Variants in FBXL2 observed in about 807,000 individuals in gnomAD.
FBXL2 encodes F-box/LRR-repeat protein 2.
FBXL2 carries 38 observed loss-of-function variants against 69.2 expected under a neutral mutation model. The ratio of observed to expected loss-of-function variants is 0.55; its 90% CI spans 0.42 to 0.72. FBXL2 has a LOEUF of 0.72. FBXL2 is among the 30% of genes least tolerant of loss of function. FBXL2 has a pLI of 0.00. For missense variants in FBXL2, 354 were observed against 520.3 expected (o/e 0.68, Z 3.11); for synonymous variants, 192 against 201.3 (o/e 0.95, Z 0.39).
chr3:33,325,802 A>G (rs1303554899), intron 2 of FBXL2, among the ~76,000 whole-genome samples: 1 of 152,220 alleles, frequency 6.6e-6, no homozygotes, highest in African/African-American at 2.4e-5. Flanking sequence ...AATATTTATC[A>G]TGAAACCTTT....
chr3:33,379,686 AAAAAAC>A (rs1463985245), intron 13 of FBXL2, among the ~76,000 whole-genome samples: 2 of 151,266 alleles, frequency 1.3e-5, no homozygotes, highest in South Asian at 2.1e-4. Context: ...TGTACCAAAA[AAAAAAC>A]AAAAACAAAA....
chr3:33,312,576 G>T (rs548301917), intron 2 of FBXL2, among the ~76,000 whole-genome samples: 12 of 152,140 alleles, frequency 7.9e-5, no homozygotes, highest in Admixed American at 2.0e-4. Context: ...CCCATCCGGA[G>T]ATTCTGGGAA....
intron 2 of FBXL2, among the ~76,000 whole-genome samples, chr3:33,339,052 C>A (rs1420123294): frequency 4.6e-5 from 7 of 151,956 alleles, no homozygotes; most frequent in Admixed American, 4.6e-4. Context: ...ATATCCAGAA[C>A]CTATAAGGAA....
intron 2 of FBXL2, among the ~76,000 whole-genome samples, chr3:33,324,565 T>G (rs550205677): frequency 6.6e-5 from 10 of 152,324 alleles, no homozygotes; most frequent in African/African-American, 2.4e-4. Flanking sequence ...AGGGAATCCT[T>G]TCCCCATTGC....
intron 2 of FBXL2, among the ~76,000 whole-genome samples, chr3:33,327,580 C>G (rs926907393): frequency 2.6e-5 from 4 of 151,738 alleles, no homozygotes; most frequent in African/African-American, 7.3e-5. Context: ...TAGCTCAAGA[C>G]TAAGAAAAAG....
At chr3:33,382,140 A>G (rs1294400163) in intron 13 of FBXL2, among the ~76,000 whole-genome samples, 1 of 152,200 alleles carries the variant, frequency 6.6e-6, no homozygotes, top group Non-Finnish European at 1.5e-5. Flanking sequence ...AGGACTTGTC[A>G]AGTCCAAACT....
intron 2 of FBXL2, among the ~76,000 whole-genome samples, chr3:33,332,848 C>A (rs984442176): frequency 6.6e-6 from 1 of 152,056 alleles, no homozygotes; most frequent in African/African-American, 2.4e-5. Context: ...TGTGGTTGAT[C>A]GTTGAGCAAA....
rs200022605 is a variant in FBXL2 at position 33,343,625 on chromosome 3, C to T, written c.66-15342C>T. Among the ~76,000 whole-genome samples the T allele has an allele frequency of 4.0e-5, 6 of 151,894 alleles. No individual in the cohort carries two copies. The East Asian group carries it at 1.2e-3, about 29-fold the overall frequency. ...TACTACAAACTCTTCAGCAGGACAC[C>T]TAGTCATGTGTAATAATAATTATAT... On this transcript the variant is annotated intron_variant, in intron 2 of 14. Transcript: ENST00000484457.
At chr3:33,353,750 C>G (rs2040996274) in intron 2 of FBXL2, among the ~76,000 whole-genome samples, 1 of 152,080 alleles carries the variant, frequency 6.6e-6, no homozygotes, top group Non-Finnish European at 1.5e-5. Flanking sequence ...ATTAGTTGGG[C>G]ATGGTGGTGT....
At chr3:33,409,430 C>T in the FBXL2 span, 1 of 1,613,898 alleles carries the variant, frequency 6.2e-7, no homozygotes. Flanking sequence ...TTACAGAAAA[C>T]CCGGGTTCTC....
At chr3:33,357,531 CT>C (rs11425930) in intron 2 of FBXL2, among the ~76,000 whole-genome samples, 9,731 of 129,176 alleles carry the variant, frequency 0.075, 207 homozygotes, top group Admixed American at 0.098. Context: ...TCCACTGAGT[CT>C]TTTTTTTTTT....
chr3:33,318,305 A>G lies in FBXL2; in HGVS notation c.65+20580A>G, dbSNP rs532983060. On this transcript the variant is annotated intron_variant, in intron 2 of 14. Coordinates refer to ENST00000484457, the MANE Select transcript of FBXL2 (RefSeq NM_012157.5). ...TTCAATCTTATTTTTACTATGTGGC[A>G]TTTAGAAATAGTTGACTTTTCTAAC... 3.3e-5 allele frequency among the ~76,000 whole-genome samples: 5 copies of G among 152,270 alleles called. No homozygotes were observed. The South Asian group carries it at 8.3e-4, about 25-fold the overall frequency.
chr3:33,402,918 CAG>C (rs772675288), intron 12 of FBXL2: 394 of 1,586,742 alleles, frequency 2.5e-4, no homozygotes, highest in Non-Finnish European at 3.3e-4. Flanking sequence ...AGGACAGAAA[CAG>C]AAATAAATTA....
chr3:33,356,263 A>G (rs1468799503), intron 2 of FBXL2, among the ~76,000 whole-genome samples: 3 of 152,318 alleles, frequency 2.0e-5, no homozygotes, highest in South Asian at 2.1e-4. Context: ...AAATTAATCT[A>G]GAGAGTTTAT....
chr3:33,373,710 A>G lies in FBXL2; in HGVS notation c.582+6A>G, dbSNP rs2042447982. 6.2e-7 allele frequency: 1 copy of G among 1,614,072 alleles called. No homozygotes were observed. Among genetic ancestry groups the G allele is most frequent in the Non-Finnish European group, 8.5e-7 (1 of 1,180,034 alleles). On this transcript the variant is annotated splice_donor_region_variant and intron_variant, in intron 8 of 14. Coordinates refer to ENST00000484457, the MANE Select transcript of FBXL2 (RefSeq NM_012157.5). Reference sequence around the variant, plus strand: ...TCCTGAGGGGCTGCACACAGGTACCAGAGGGTTGATACAGCTGTTTGTGTT... The same window carrying G: ...TCCTGAGGGGCTGCACACAGGTACCGGAGGGTTGATACAGCTGTTTGTGTT...
intron 5 of FBXL2, among the ~76,000 whole-genome samples, chr3:33,368,717 G>C (rs968099541): frequency 6.6e-6 from 1 of 151,878 alleles, no homozygotes; most frequent in Non-Finnish European, 1.5e-5. Flanking sequence ...CTTCCGAGTA[G>C]CTGGGACCAC....
At chr3:33,389,480 G>GT (rs1164673371), downstream of FBXL2, 1 of 89,944 alleles carries the variant, frequency 1.1e-5, no homozygotes, top group African/African-American at 4.3e-5. Flanking sequence ...GGGGTGGGGG[G>GT]TTAGGGTGGG....
chr3:33,333,936 T>C (rs1239876098), intron 2 of FBXL2, among the ~76,000 whole-genome samples: 1 of 152,090 alleles, frequency 6.6e-6, no homozygotes, highest in Non-Finnish European at 1.5e-5. Context: ...TTTTTTTTAA[T>C]ATAGTGGCTC....
intron 2 of FBXL2, among the ~76,000 whole-genome samples, chr3:33,307,485 T>C (rs988393863): frequency 2.6e-5 from 4 of 152,088 alleles, no homozygotes; most frequent in African/African-American, 9.7e-5. Context: ...TTCTTTTGCA[T>C]TAGGACCATT....
Sources: allele counts gnomAD v4.1 joint callset (sites outside exome capture counted in the v4.1 genomes callset), GRCh38; gene constraint gnomAD v4.1.1; transcripts MANE v1.5; gene names NCBI Gene and HGNC (gene_info 2026-07-23, HGNC 2026-07-21).